FARP1: variants seen among roughly 807,000 people sequenced by gnomAD.
The protein encoded by FARP1 is FERM, ARH/RhoGEF and pleckstrin domain protein 1, also known as FERM, ARHGEF and pleckstrin domain-containing protein 1.
Under a neutral mutation model 128.8 loss-of-function variants are expected in FARP1, and 52 were observed. That is an observed-to-expected ratio of 0.40 (90% CI 0.32 to 0.51). The LOEUF (loss-of-function observed/expected upper bound fraction) is 0.51, where lower values mean the gene tolerates loss of function less well. Ranked by LOEUF, FARP1 falls within the 20% of genes least tolerant of loss-of-function variation. The probability of loss-of-function intolerance (pLI) is 0.45; values close to 1 mark genes in which losing one functional copy is unlikely to be tolerated. For missense variants in FARP1, 1,333 were observed against 1,367.9 expected, an observed-to-expected ratio of 0.97 and a Z score of 0.40; for synonymous variants, 580 against 551.8, an observed-to-expected ratio of 1.05 and a Z score of -0.72.
Position 98,446,291 on chromosome 13 carries a change from C to G in FARP1, c.2904+86C>G, listed in dbSNP as rs573088053. The stretch of plus-strand genomic sequence containing the variant: ...GGGGCCGCCCTCCTCTGGAATGACT[C>G]AGGCCTCTTGGGCTCCAGGTGTCAC... On this transcript the variant is annotated intron_variant, in intron 25 of 26. Transcript: ENST00000319562. 16 of 853,556 alleles carry G rather than the reference C, an allele frequency of 1.9e-5. No homozygotes were observed. In the South Asian group the frequency reaches 2.2e-4, roughly 12 times the overall value. The allele number at this position is 853,556 out of a possible 1,614,324, so 52.9% of individuals were successfully genotyped here. A position where few individuals can be genotyped will look rare whatever the true frequency, so the allele number is the denominator to read the frequency against.
chr13:98,453,734 T>C lies in FARP1; in HGVS notation c.*5417T>C, dbSNP rs2139232660. 1 of 153,456 alleles carries C rather than the reference T, an allele frequency of 6.5e-6. No homozygotes were observed. The highest frequency in any genetic ancestry group is 1.9e-4 in the East Asian group (1 of 5,210). The allele number at this position is 153,456 out of a possible 1,614,324, so 9.5% of individuals were successfully genotyped here. A position where few individuals can be genotyped will look rare whatever the true frequency, so the allele number is the denominator to read the frequency against. The stretch of plus-strand genomic sequence containing the variant: ...AATTACACTAATTTGGAAACAACTC[T>C]GATGCCCAACAGTACAGAATCAGTT... On this transcript the variant is annotated 3_prime_UTR_variant, in exon 27 of 27. Coordinates refer to ENST00000319562, the MANE Select transcript of FARP1 (RefSeq NM_005766.4).
chr13:98,446,416 AG>A, intron 25 of FARP1: 1 of 601,902 alleles, frequency 1.7e-6, no homozygotes, highest in Non-Finnish European at 2.9e-6. Flanking sequence ...CTTCTGCCCT[AG>A]GAAGGGCCAC....
At chr13:98,288,870 AATT>A (rs1885319278) in intron 2 of FARP1, among the ~76,000 whole-genome samples, 1 of 151,986 alleles carries the variant, frequency 6.6e-6, no homozygotes, top group African/African-American at 2.4e-5. Flanking sequence ...TCTATTACAT[AATT>A]ATTTATTTTT....
At chr13:98,189,827 G>A (rs1879110270) in intron 1 of FARP1, among the ~76,000 whole-genome samples, 1 of 152,206 alleles carries the variant, frequency 6.6e-6, no homozygotes, top group Non-Finnish European at 1.5e-5. Flanking sequence ...AGGAGCAACA[G>A]TTGAGATTTG....
chr13:98,381,865 G>A (rs1418557900), intron 6 of FARP1, among the ~76,000 whole-genome samples: 1 of 152,114 alleles, frequency 6.6e-6, no homozygotes, highest in African/African-American at 2.4e-5. Context: ...TAAAAAATAG[G>A]AAGTCAGCTG....
intron 2 of FARP1, among the ~76,000 whole-genome samples, chr13:98,282,227 A>G (rs1018721315): frequency 3.3e-5 from 5 of 152,158 alleles, no homozygotes; most frequent in African/African-American, 1.2e-4. Flanking sequence ...TCACCTGAGC[A>G]TAGGGACCTG....
chr13:98,233,902 A>G (rs1882281428), intron 2 of FARP1: 1 of 152,202 alleles, frequency 6.6e-6, no homozygotes, highest in Non-Finnish European at 1.5e-5. Flanking sequence ...GACTCGCTTC[A>G]TGTATTTCCT....
intron 1 of FARP1, among the ~76,000 whole-genome samples, chr13:98,179,747 C>G (rs1327360349): frequency 6.6e-6 from 1 of 152,002 alleles, no homozygotes; most frequent in African/African-American, 2.4e-5. Flanking sequence ...GCCCCAGCTA[C>G]TCGGAAGGCT....
chr13:98,178,691 T>C (rs951203142), intron 1 of FARP1, among the ~76,000 whole-genome samples: 3 of 152,254 alleles, frequency 2.0e-5, no homozygotes, highest in African/African-American at 7.2e-5. Context: ...TCACTTGTAG[T>C]GCCCCCAAAA....
intron 12 of FARP1, among the ~76,000 whole-genome samples, chr13:98,394,138 G>C (rs1890418595): frequency 6.6e-6 from 1 of 152,172 alleles, no homozygotes; most frequent in Non-Finnish European, 1.5e-5. Flanking sequence ...CACAGAACTG[G>C]TCGGCGAGTT....
chr13:98,176,252 G>A lies in FARP1; in HGVS notation c.-24+32760G>A, dbSNP rs758189740. On this transcript the variant is annotated intron_variant, in intron 1 of 26. Transcript: ENST00000319562. This position sits in a 1 kb window ranked among gnomAD's most constrained non-coding sequence, Gnocchi z 6.2. ...GCCATGGGAATTGGACACTCATGGGGGTCTTCTGTGAAATGGGACTTGCCC... is the reference window on the plus strand; with the variant it reads ...GCCATGGGAATTGGACACTCATGGGAGTCTTCTGTGAAATGGGACTTGCCC... The A allele has an allele frequency of 6.2e-7, 1 of 1,605,532 alleles. No homozygotes were observed. The highest frequency in any genetic ancestry group is 8.5e-7 in the Non-Finnish European group (1 of 1,172,872).
At chr13:98,230,791 T>C (rs748071442) in intron 2 of FARP1, among the ~76,000 whole-genome samples, 1 of 152,172 alleles carries the variant, frequency 6.6e-6, no homozygotes, top group Non-Finnish European at 1.5e-5. Flanking sequence ...AATTTGTCAG[T>C]AAGCCATGCA....
intron 2 of FARP1, among the ~76,000 whole-genome samples, chr13:98,251,454 G>A (rs1259892396): frequency 3.3e-5 from 5 of 152,188 alleles, no homozygotes; most frequent in South Asian, 2.1e-4. Context: ...AGGCTGAGGC[G>A]GGTGGATCAC....
At chr13:98,211,845 G>A (rs558984547) in intron 1 of FARP1, among the ~76,000 whole-genome samples, 68 of 152,242 alleles carry the variant, frequency 4.5e-4, no homozygotes, top group African/African-American at 1.5e-3. Flanking sequence ...TGGTCCAGTC[G>A]TTAAGCAGCC....
intron 2 of FARP1, among the ~76,000 whole-genome samples, chr13:98,263,254 C>T (rs1256660914): frequency 6.6e-6 from 1 of 151,958 alleles, no homozygotes; most frequent in East Asian, 1.9e-4. Context: ...GTTATCTGCC[C>T]GGCTCGGCCT....
At chr13:98,256,567 T>C (rs1040403086) in intron 2 of FARP1, among the ~76,000 whole-genome samples, 3 of 151,334 alleles carry the variant, frequency 2.0e-5, no homozygotes, top group African/African-American at 7.3e-5. Context: ...TTTTTTTTTT[T>C]CTTTTTTTTG....
chr13:98,384,806 A>G lies in FARP1; in HGVS notation c.573A>G (p.Ala191=), dbSNP rs1253022921. 1.9e-6 allele frequency: 3 copies of G among 1,613,558 alleles called. No homozygotes were observed. Among genetic ancestry groups the G allele is most frequent in the Non-Finnish European group, 1.7e-6 (2 of 1,179,470 alleles). Residue 191 remains alanine, a synonymous_variant, in exon 7 of 27, where the codon GCA becomes GCG. Transcript: ENST00000319562. The part of the protein sequence containing the change: ...AKNKYIPQQD[A]LEDKIVEFHH... ...ATAAATACATACCTCAGCAAGACGC[A>G]CTAGAGGACAAAATCGTGGAATTTC...
chr13:98,176,147 C>T lies in FARP1; in HGVS notation c.-24+32655C>T, dbSNP rs1878001441. 1.2e-6 allele frequency: 2 copies of T among 1,604,428 alleles called. No individual in the cohort carries two copies. The highest frequency in any genetic ancestry group is 2.2e-5 in the South Asian group (2 of 90,446). On this transcript the variant is annotated intron_variant, in intron 1 of 26. Coordinates refer to ENST00000319562, the MANE Select transcript of FARP1 (RefSeq NM_005766.4). This position sits in a 1 kb window ranked among gnomAD's most constrained non-coding sequence, Gnocchi z 6.2. ...AGGCTGCTTCTCCCCAGTGTACATA[C>T]AGACTTGAGTCTTTCTTATCTCTTT...
intron 2 of FARP1, among the ~76,000 whole-genome samples, chr13:98,284,206 A>G (rs1302139318): frequency 6.6e-6 from 1 of 151,744 alleles, no homozygotes; most frequent in Non-Finnish European, 1.5e-5. Context: ...CTCATCAGCT[A>G]TTGTTAGTGT....
Sources: allele counts gnomAD v4.1 joint callset (sites outside exome capture counted in the v4.1 genomes callset), GRCh38; gene constraint gnomAD v4.1.1; non-coding constraint Gnocchi (gnomAD v3.1); transcripts MANE v1.5; gene names NCBI Gene and HGNC (gene_info 2026-07-23, HGNC 2026-07-21).